The following CEP350 variants were observed in gnomAD, a reference collection of about 807,000 sequenced individuals.
The protein encoded by CEP350 is centrosomal protein 350.
In CEP350, 126 loss-of-function variants were observed where a neutral mutation model predicts 331.8. That is an observed-to-expected ratio of 0.38 (90% CI 0.33 to 0.44). The LOEUF (loss-of-function observed/expected upper bound fraction) is 0.44. CEP350 is among the 20% of genes least tolerant of loss of function. The probability of loss-of-function intolerance (pLI) is 1.00; values close to 1 mark genes in which losing one functional copy is unlikely to be tolerated. For missense variants in CEP350, 3,406 were observed against 3,634.6 expected (o/e 0.94, Z 1.62); for synonymous variants, 1,200 against 1,259.5 (o/e 0.95, Z 1.00).
At chr1:179,960,159 A>G (rs974471008) in intron 1 of CEP350, among the ~76,000 whole-genome samples, 4 of 152,176 alleles carry the variant, frequency 2.6e-5, no homozygotes, top group Non-Finnish European at 5.9e-5. Context: ...CATTGCAGGT[A>G]GCATTTACAG....
chr1:180,064,660 GA>G (rs1658436020), intron 26 of CEP350, among the ~76,000 whole-genome samples: 1 of 151,814 alleles, frequency 6.6e-6, no homozygotes, highest in South Asian at 2.1e-4. Context: ...ATATTCAAAG[GA>G]AAAAACCCAT....
At chr1:180,004,881 TGCTTGC>T (rs1347082050) in intron 7 of CEP350, among the ~76,000 whole-genome samples, 4 of 71,078 alleles carry the variant, frequency 5.6e-5, no homozygotes, top group Non-Finnish European at 8.5e-5. Context: ...CTGGCTTGCT[TGCTTGC>T]TTGCTTGCTT....
At chr1:180,010,404 CTTTTT>C (rs60408983) in intron 8 of CEP350, among the ~76,000 whole-genome samples, 1 of 119,810 alleles carries the variant, frequency 8.3e-6, no homozygotes, top group African/African-American at 3.2e-5. Context: ...CCCATGTTTG[CTTTTT>C]TTTTTTTTTT....
chr1:179,992,029 T>C (rs1295765848), intron 4 of CEP350, 33 bp from the exon 5 acceptor site: 8 of 1,495,126 alleles, frequency 5.4e-6, no homozygotes. Context: ...GTATTTTATA[T>C]TATATGTTCT....
chr1:179,962,780 C>T (rs1650731726), intron 1 of CEP350, among the ~76,000 whole-genome samples: 1 of 152,132 alleles, frequency 6.6e-6, no homozygotes, highest in African/African-American at 2.4e-5. Flanking sequence ...CTGTGATAAA[C>T]ATACTAGTGC....
intron 5 of CEP350, 23 bp downstream of exon 5, chr1:179,992,244 G>T: frequency 7.0e-7 from 1 of 1,426,322 alleles, no homozygotes; most frequent in Non-Finnish European, 9.2e-7. Flanking sequence ...AAAAAAAAAA[G>T]GTATCAAATA....
Position 180,020,738 on chromosome 1 carries a change from TAGTG to T in CEP350, c.2967_2970del (p.Ser989ArgfsTer17), listed in dbSNP as rs1400406725. 6.2e-7 allele frequency: 1 copy of T among 1,613,858 alleles called. No individual in the cohort carries two copies. Among genetic ancestry groups the T allele is most frequent in the African/African-American group, 1.3e-5 (1 of 74,908 alleles). On this transcript the variant is annotated frameshift_variant, in exon 12 of 38. Coordinates refer to ENST00000367607, the MANE Select transcript of CEP350 (RefSeq NM_014810.5). LOFTEE classifies it high-confidence loss of function. ...ATTCAGTCAGTGAAGGGCCTCTTCT[TAGTG>T]AGGGGAGTCTCTCTGAAGAAGAGGG... is the stretch of plus-strand genomic sequence containing the variant.
chr1:180,024,399 T>C lies in CEP350; in HGVS notation c.3387-20T>C. ...GTAAGACTTTTCTTTCTGGAACTAC[T>C]ATTATTTATTCTTTGACAGTAGCAC... On this transcript the variant is annotated intron_variant, in intron 13 of 37. Coordinates refer to ENST00000367607, the MANE Select transcript of CEP350 (RefSeq NM_014810.5). 1.3e-6 allele frequency: 2 copies of C among 1,591,964 alleles called. No individual in the cohort carries two copies. Among genetic ancestry groups the C allele is most frequent in the East Asian group, 2.2e-5 (1 of 44,642 alleles).
chr1:180,087,776 T>A, intron 32 of CEP350, 59 bp downstream of exon 32: 1 of 1,356,170 alleles, frequency 7.4e-7, no homozygotes, highest in South Asian at 2.0e-5. Context: ...AATAAGGGAA[T>A]ATTTTCAGTA....
At chr1:180,004,651 C>T (rs901806332) in intron 7 of CEP350, among the ~76,000 whole-genome samples, 1 of 152,216 alleles carries the variant, frequency 6.6e-6, no homozygotes, top group Non-Finnish European at 1.5e-5. Context: ...TCAAGATCAT[C>T]AGTGACTTCC....
rs774022986 is a variant in CEP350 at position 180,092,600 on chromosome 1, G to A, written c.6509-14G>A. The A allele has an allele frequency of 1.5e-5, 22 of 1,477,354 alleles. No individual in the cohort carries two copies. Among genetic ancestry groups the A allele is most frequent in the Non-Finnish European group, 1.9e-5 (21 of 1,109,388 alleles). The allele number at this position is 1,477,354 out of a possible 1,614,324, so 91.5% of individuals were successfully genotyped here. Reference sequence around the variant, plus strand: ...TTAAATAATTTTGATGTGGTGATTTGTTTTTTCTTTAAGATGCTTCACTGT... The same window carrying A: ...TTAAATAATTTTGATGTGGTGATTTATTTTTTCTTTAAGATGCTTCACTGT... On this transcript the variant is annotated splice_polypyrimidine_tract_variant and intron_variant, in intron 33 of 37. Transcript: ENST00000367607.
intron 28 of CEP350, among the ~76,000 whole-genome samples, chr1:180,076,883 A>G (rs766022858): frequency 6.6e-6 from 1 of 152,218 alleles, no homozygotes; most frequent in Non-Finnish European, 1.5e-5. Flanking sequence ...TTTACCTGAT[A>G]AAAGGTATTA....
At chr1:180,040,048 T>C (rs1012972630) in intron 17 of CEP350, among the ~76,000 whole-genome samples, 2 of 152,122 alleles carry the variant, frequency 1.3e-5, no homozygotes, top group Non-Finnish European at 2.9e-5. Context: ...TTCAGTTTCC[T>C]TTTCCATTTG....
At chr1:180,067,306 T>G (rs1396297782) in intron 27 of CEP350, among the ~76,000 whole-genome samples, 1 of 152,198 alleles carries the variant, frequency 6.6e-6, no homozygotes, top group Admixed American at 6.5e-5. Context: ...AGTGACTTTT[T>G]GATCTGTTTG....
At chr1:180,056,338 A>G (rs1275175849) in intron 25 of CEP350, among the ~76,000 whole-genome samples, 1 of 152,022 alleles carries the variant, frequency 6.6e-6, no homozygotes, top group African/African-American at 2.4e-5. Flanking sequence ...CAGTAGTTTT[A>G]CTATGATGCA....
At chr1:180,034,656 A>G (rs1656236247) in intron 16 of CEP350, among the ~76,000 whole-genome samples, 1 of 151,946 alleles carries the variant, frequency 6.6e-6, no homozygotes, top group Non-Finnish European at 1.5e-5. Context: ...GCGATCTTTG[A>G]TGTTCCTGTT....
rs371713453 is a variant in CEP350 at position 180,099,000 on chromosome 1, C to T, written c.9189+15C>T. ...ATCATATCCTGGTCAGTGTATACAACCAAACTGTTTTTATTTTGACCATAT... is the reference window on the plus strand; with the variant it reads ...ATCATATCCTGGTCAGTGTATACAATCAAACTGTTTTTATTTTGACCATAT... On this transcript the variant is annotated intron_variant, in intron 37 of 37. Coordinates refer to ENST00000367607, the MANE Select transcript of CEP350 (RefSeq NM_014810.5). 5.6e-6 allele frequency: 9 copies of T among 1,601,392 alleles called. No homozygotes were observed. In the African/African-American group the frequency reaches 9.4e-5, roughly 17 times the overall value.
intron 32 of CEP350, 65 bp from the exon 33 acceptor site, chr1:180,090,649 C>T: frequency 7.1e-7 from 1 of 1,401,890 alleles, no homozygotes; most frequent in Non-Finnish European, 9.4e-7. Flanking sequence ...CTAAGAATGT[C>T]TGCTTTTTGT....
At chr1:180,084,961 T>C (rs1258617898) in intron 31 of CEP350, among the ~76,000 whole-genome samples, 8 of 152,172 alleles carry the variant, frequency 5.3e-5, no homozygotes, top group Admixed American at 3.9e-4. Context: ...TTGGTGTCTA[T>C]ACCCTTGTAA....
Sources: allele counts gnomAD v4.1 joint callset (sites outside exome capture counted in the v4.1 genomes callset), GRCh38; gene constraint gnomAD v4.1.1; transcripts MANE v1.5; gene names NCBI Gene and HGNC (gene_info 2026-07-23, HGNC 2026-07-21).